Variants in SKAP1 observed in about 807,000 individuals in gnomAD.
SKAP1 encodes the protein src kinase-associated phosphoprotein 1.
SKAP1 carries 44 observed loss-of-function variants against 58.5 expected under a neutral mutation model. That is an observed-to-expected ratio of 0.75 (90% CI 0.59 to 0.97). SKAP1 has a LOEUF of 0.97. Among genes scored for constraint, SKAP1 ranks in the 50% least tolerant of loss-of-function variants. SKAP1 has a pLI of 0.00. For missense variants in SKAP1, 390 were observed against 435.2 expected (o/e 0.90, Z 0.92); for synonymous variants, 127 against 149.7 (o/e 0.85, Z 1.11).
At chr17:48,222,377 T>C (rs1460282025) in intron 4 of SKAP1, among the ~76,000 whole-genome samples, 1 of 152,214 alleles carries the variant, frequency 6.6e-6, no homozygotes, top group Non-Finnish European at 1.5e-5. Flanking sequence ...ATTCAAGAGA[T>C]ATTGATGAAC....
intron 4 of SKAP1, among the ~76,000 whole-genome samples, chr17:48,296,698 T>C (rs998523263): frequency 2.0e-5 from 3 of 152,158 alleles, no homozygotes; most frequent in Non-Finnish European, 4.4e-5. Context: ...CTGGCACACA[T>C]TCACTGCATC....
At chr17:48,216,720 G>T (rs951141197) in intron 4 of SKAP1, among the ~76,000 whole-genome samples, 4 of 152,074 alleles carry the variant, frequency 2.6e-5, no homozygotes, top group Admixed American at 2.6e-4. Context: ...TCGAACTCCT[G>T]AGCTCAAGCG....
chr17:48,231,805 C>T (rs1461764403), intron 4 of SKAP1: 2 of 152,166 alleles, frequency 1.3e-5, no homozygotes, highest in Non-Finnish European at 2.9e-5. Flanking sequence ...GACTATATAA[C>T]CTAGTGTTAA....
At chr17:48,298,478 A>G (rs2066010927) in intron 4 of SKAP1, among the ~76,000 whole-genome samples, 1 of 152,246 alleles carries the variant, frequency 6.6e-6, no homozygotes, top group African/African-American at 2.4e-5. Flanking sequence ...TGAGATACTG[A>G]CTATAAAATA....
intron 4 of SKAP1, among the ~76,000 whole-genome samples, chr17:48,340,918 G>A (rs150447004): frequency 6.0e-4 from 92 of 152,284 alleles, no homozygotes; most frequent in African/African-American, 2.1e-3. Context: ...TGGAAAGCCC[G>A]TAAGAGTAGA....
At chr17:48,404,481 C>T (rs544250882) in intron 1 of SKAP1, among the ~76,000 whole-genome samples, 45 of 151,460 alleles carry the variant, frequency 3.0e-4, no homozygotes, top group African/African-American at 9.2e-4. Flanking sequence ...ATTCGTATGG[C>T]GAGACAATGT....
At chr17:48,347,442 G>T (rs992482164) in intron 3 of SKAP1, among the ~76,000 whole-genome samples, 2 of 152,132 alleles carry the variant, frequency 1.3e-5, no homozygotes, top group Admixed American at 1.3e-4. Flanking sequence ...GTTATAAAAT[G>T]ATAAAAAGAG....
At chr17:48,335,998 CAT>C (rs1279844391) in intron 4 of SKAP1, among the ~76,000 whole-genome samples, 1 of 152,134 alleles carries the variant, frequency 6.6e-6, no homozygotes, top group Non-Finnish European at 1.5e-5. Flanking sequence ...TGAGAACTTA[CAT>C]ATCTTAGCCT....
chr17:48,394,979 G>A (rs1259327198), intron 2 of SKAP1, among the ~76,000 whole-genome samples: 1 of 152,118 alleles, frequency 6.6e-6, no homozygotes, highest in Non-Finnish European at 1.5e-5. Flanking sequence ...CTTGCAACAA[G>A]TCAATGAACA....
chr17:48,289,350 A>T (rs553192735), intron 4 of SKAP1, among the ~76,000 whole-genome samples: 59 of 151,912 alleles, frequency 3.9e-4, no homozygotes, highest in East Asian at 1.2e-3. Flanking sequence ...CCTACTTTTT[A>T]AAAAAAAATT....
chr17:48,208,137 G>A (rs755305490), intron 4 of SKAP1, among the ~76,000 whole-genome samples: 3 of 152,158 alleles, frequency 2.0e-5, no homozygotes, highest in Non-Finnish European at 4.4e-5. Flanking sequence ...CGTGTTTTCA[G>A]AATAGGAAGG....
the SKAP1 span, among the ~76,000 whole-genome samples, chr17:48,441,884 A>G: frequency 1.3e-5 from 2 of 152,206 alleles, no homozygotes; most frequent in Non-Finnish European, 1.5e-5. Context: ...GGTTCCTTCT[A>G]GGTCTAACAT....
At chr17:48,224,772 A>G (rs2065047712) in intron 4 of SKAP1, among the ~76,000 whole-genome samples, 1 of 152,206 alleles carries the variant, frequency 6.6e-6, no homozygotes, top group African/African-American at 2.4e-5. Context: ...GATCATGCTT[A>G]GTTCAAAAAG....
intron 4 of SKAP1, among the ~76,000 whole-genome samples, chr17:48,192,244 C>T (rs1327775908): frequency 6.6e-6 from 1 of 151,744 alleles, no homozygotes; most frequent in Non-Finnish European, 1.5e-5. Flanking sequence ...ATGAGGAAAA[C>T]ACGATCCCAT....
chr17:48,317,881 G>A (rs12450081), intron 4 of SKAP1, among the ~76,000 whole-genome samples: 51,322 of 151,774 alleles, frequency 0.34, 9,444 homozygotes, highest in African/African-American at 0.48. Flanking sequence ...GGTAGAAACT[G>A]AAGTACTTCA....
chr17:48,391,594 G>A (rs754884921), intron 2 of SKAP1, among the ~76,000 whole-genome samples: 13 of 152,130 alleles, frequency 8.5e-5, no homozygotes, highest in Non-Finnish European at 1.8e-4. Context: ...TGATATAACT[G>A]ATGAGTTGAG....
At chr17:48,390,846 G>A (rs1049119951) in intron 2 of SKAP1, among the ~76,000 whole-genome samples, 4 of 152,168 alleles carry the variant, frequency 2.6e-5, no homozygotes, top group African/African-American at 9.7e-5. Flanking sequence ...AGGCCAAGGT[G>A]GGTGGACTGC....
intron 4 of SKAP1, among the ~76,000 whole-genome samples, chr17:48,210,342 T>G (rs2064857071): frequency 6.6e-6 from 1 of 152,174 alleles, no homozygotes. Context: ...GATTCAGGAT[T>G]ATCTGGAGTG....
intron 3 of SKAP1, among the ~76,000 whole-genome samples, chr17:48,348,035 C>T (rs2066745782): frequency 6.6e-6 from 1 of 151,126 alleles, no homozygotes. Flanking sequence ...TGTGGCAAAT[C>T]CACCATTAAA....
Sources: gnomAD v4.1 joint callset for allele counts (sites outside exome capture counted in the v4.1 genomes callset) on GRCh38, gnomAD v4.1.1 for gene constraint, MANE v1.5 for transcripts, NCBI Gene and HGNC (gene_info 2026-07-23, HGNC 2026-07-21) for gene names.